TRAPPC9: variants seen among roughly 807,000 people sequenced by gnomAD.
The protein encoded by TRAPPC9 is IKK2 binding protein.
A neutral mutation model predicts 124.0 loss-of-function variants in TRAPPC9; 83 were observed. The ratio of observed to expected loss-of-function variants is 0.67; its 90% confidence interval spans 0.56 to 0.80. The LOEUF (loss-of-function observed/expected upper bound fraction) is 0.80, where lower values mean the gene tolerates loss of function less well. Among genes scored for constraint, TRAPPC9 ranks in the 30% least tolerant of loss-of-function variants. The pLI is 0.00. For missense variants in TRAPPC9, 1,302 were observed against 1,508.3 expected (o/e 0.86, Z 2.27); for synonymous variants, 638 against 617.5 (o/e 1.03, Z -0.49).
intron 17 of TRAPPC9, among the ~76,000 whole-genome samples, chr8:140,078,306 A>G (rs1257439678): frequency 1.3e-5 from 2 of 152,234 alleles, no homozygotes; most frequent in African/African-American, 4.8e-5. Context: ...ATGGGAAGAC[A>G]CTGCTGTTAT....
At chr8:140,298,793 G>T (rs779490426) in intron 11 of TRAPPC9, among the ~76,000 whole-genome samples, 3 of 152,192 alleles carry the variant, frequency 2.0e-5, no homozygotes, top group Non-Finnish European at 4.4e-5. Flanking sequence ...ACACTTAAAC[G>T]TCGTGAATCA....
Position 139,827,407 on chromosome 8 carries a change from C to A in TRAPPC9, c.3055+58472G>T, listed in dbSNP as rs2085850. Among the ~76,000 whole-genome samples the A allele has an allele frequency of 2.0e-4, 31 of 152,342 alleles. No individual in the cohort carries two copies. The East Asian group carries it at 6.0e-3, about 29-fold the overall frequency. On this transcript the variant is annotated intron_variant, in intron 21 of 22. Coordinates refer to ENST00000438773, the MANE Select transcript of TRAPPC9 (RefSeq NM_001160372.4). ...CCCTTTGGAAGGGATTCTGAAGCTT[C>A]TTGCAGCTTCTGAAGACACCACGGC...
intron 2 of TRAPPC9, among the ~76,000 whole-genome samples, chr8:140,445,546 G>A (rs2071217299): frequency 6.6e-6 from 1 of 152,176 alleles, no homozygotes; most frequent in Non-Finnish European, 1.5e-5. Context: ...AGGGAGCCCG[G>A]GCCAGGCTGT....
chr8:140,415,031 C>A (rs558881497), intron 5 of TRAPPC9, among the ~76,000 whole-genome samples: 1 of 152,162 alleles, frequency 6.6e-6, no homozygotes, highest in South Asian at 2.1e-4. Context: ...TGAGCCACCA[C>A]GCCTGGCCTA....
chr8:140,332,640 TA>T (rs1006694064), intron 9 of TRAPPC9, among the ~76,000 whole-genome samples: 4 of 152,158 alleles, frequency 2.6e-5, no homozygotes, highest in South Asian at 2.1e-4. Flanking sequence ...TTTAAAGTTT[TA>T]AAAAAATAAA....
At chr8:140,403,981 T>C (rs958207810) in intron 6 of TRAPPC9, among the ~76,000 whole-genome samples, 4 of 152,110 alleles carry the variant, frequency 2.6e-5, no homozygotes, top group African/African-American at 9.7e-5. Flanking sequence ...ATATACTCTT[T>C]AACTCAAGTC....
intron 7 of TRAPPC9, among the ~76,000 whole-genome samples, chr8:140,393,373 C>T: frequency 6.6e-6 from 1 of 152,182 alleles, no homozygotes; most frequent in Non-Finnish European, 1.5e-5. Context: ...ACCTCTACTT[C>T]ACTATTTGCT....
intron 14 of TRAPPC9, among the ~76,000 whole-genome samples, chr8:140,278,307 T>C (rs1364888553): frequency 6.6e-6 from 1 of 152,166 alleles, no homozygotes; most frequent in East Asian, 1.9e-4. Context: ...GATTTGGCCA[T>C]GTTGGCCAGG....
In TRAPPC9 at chr8:139,953,459, T is replaced by G. The variant is rs536382794; in HGVS notation, c.2810+35267A>C. 5.9e-5 allele frequency among the ~76,000 whole-genome samples: 9 copies of G among 152,282 alleles called. No individual in the cohort carries two copies. The South Asian group carries it at 1.5e-3, about 25-fold the overall frequency. ...GTGAGCCGAGATCGTGCCACTGCAC[T>G]CCAGCCTGGGTGACAGAGCAAGACT... On this transcript the variant is annotated intron_variant, in intron 19 of 22. Coordinates refer to ENST00000438773, the MANE Select transcript of TRAPPC9 (RefSeq NM_001160372.4).
chr8:140,047,384 G>A (rs961871014), intron 17 of TRAPPC9, among the ~76,000 whole-genome samples: 1 of 152,260 alleles, frequency 6.6e-6, no homozygotes, highest in Non-Finnish European at 1.5e-5. Flanking sequence ...CGAATGCGAA[G>A]GGTATGGAAG....
intron 17 of TRAPPC9, among the ~76,000 whole-genome samples, chr8:140,198,925 A>G (rs191103523): frequency 6.6e-6 from 1 of 152,302 alleles, no homozygotes; most frequent in East Asian, 1.9e-4. Flanking sequence ...AGTGCTTGCA[A>G]TGAAGGACAC....
intron 5 of TRAPPC9, among the ~76,000 whole-genome samples, chr8:140,423,962 G>T (rs563347910): frequency 2.2e-4 from 33 of 152,190 alleles, no homozygotes; most frequent in Admixed American, 5.2e-4. Flanking sequence ...TAGTTGCTTG[G>T]GGGTAAGGGA....
At chr8:139,883,965 T>C (rs932843053) in intron 21 of TRAPPC9, among the ~76,000 whole-genome samples, 2 of 152,184 alleles carry the variant, frequency 1.3e-5, no homozygotes, top group Non-Finnish European at 2.9e-5. Flanking sequence ...GGACAGGAGA[T>C]GCTCAACAAT....
At chr8:139,869,483 A>G (rs1828758258) in intron 21 of TRAPPC9, among the ~76,000 whole-genome samples, 2 of 152,248 alleles carry the variant, frequency 1.3e-5, no homozygotes, top group African/African-American at 4.8e-5. Context: ...TCATGGTGCA[A>G]TGGACCCACA....
chr8:139,840,747 T>C (rs1826672864), intron 21 of TRAPPC9, among the ~76,000 whole-genome samples: 1 of 152,120 alleles, frequency 6.6e-6, no homozygotes, highest in Admixed American at 6.5e-5. Context: ...CTCGGATGTG[T>C]CAATCAACAG....
At chr8:139,862,931 G>A (rs1253652424) in intron 21 of TRAPPC9, among the ~76,000 whole-genome samples, 1 of 152,172 alleles carries the variant, frequency 6.6e-6, no homozygotes, top group Non-Finnish European at 1.5e-5. Flanking sequence ...GGTGGCCCTT[G>A]GGAGCCTCTC....
intron 17 of TRAPPC9, among the ~76,000 whole-genome samples, chr8:140,138,047 T>A (rs1479399610): frequency 1.3e-5 from 2 of 152,190 alleles, no homozygotes; most frequent in Non-Finnish European, 2.9e-5. Flanking sequence ...ACGCCTGTAA[T>A]CCCAACACTT....
chr8:139,865,442 T>C (rs1457304373), intron 21 of TRAPPC9, among the ~76,000 whole-genome samples: 1 of 152,218 alleles, frequency 6.6e-6, no homozygotes, highest in East Asian at 1.9e-4. Context: ...TGTGAGTTCA[T>C]AGAGGGGGTG....
chr8:140,236,263 A>G (rs2063729760), intron 16 of TRAPPC9, among the ~76,000 whole-genome samples: 1 of 152,052 alleles, frequency 6.6e-6, no homozygotes, highest in Non-Finnish European at 1.5e-5. Flanking sequence ...TTATATTTTT[A>G]GCAGAGATGG....
Sources: allele counts gnomAD v4.1 joint callset (sites outside exome capture counted in the v4.1 genomes callset), GRCh38; gene constraint gnomAD v4.1.1; transcripts MANE v1.5; gene names NCBI Gene and HGNC (gene_info 2026-07-23, HGNC 2026-07-21).